Variants in LMX1A observed in about 807,000 individuals in gnomAD.
LMX1A encodes LIM homeobox transcription factor 1 alpha, also known as LIM homeobox transcription factor 1-alpha.
LMX1A carries 15 observed loss-of-function variants against 49.1 expected under a neutral mutation model. That is an observed-to-expected ratio of 0.31 (90% CI 0.20 to 0.47). The LOEUF is 0.47. Among genes scored for constraint, LMX1A ranks in the 20% least tolerant of loss-of-function variants. The pLI is 1.00. For synonymous variants in LMX1A, 167 were observed against 185.7 expected (o/e 0.90, Z 0.82); for missense variants, 372 against 475.8 (o/e 0.78, Z 2.03).
intron 3 of LMX1A, among the ~76,000 whole-genome samples, chr1:165,292,458 G>A (rs961907455): frequency 6.6e-6 from 1 of 152,202 alleles, no homozygotes; most frequent in Non-Finnish European, 1.5e-5. Flanking sequence ...GAAAAGATAT[G>A]AGAGATATAC....
intron 3 of LMX1A, among the ~76,000 whole-genome samples, chr1:165,325,589 TTC>T (rs1340156001): frequency 1.3e-5 from 2 of 152,144 alleles, no homozygotes; most frequent in Admixed American, 6.5e-5. Context: ...GAGCATCCTC[TTC>T]TCAGTTAATT....
intron 3 of LMX1A, among the ~76,000 whole-genome samples, chr1:165,302,320 T>C (rs1262242622): frequency 6.6e-6 from 1 of 151,942 alleles, no homozygotes; most frequent in East Asian, 1.9e-4. Flanking sequence ...GGTGCATGCG[T>C]GTAATCCCAG....
chr1:165,279,380 C>A (rs555655590), intron 3 of LMX1A, among the ~76,000 whole-genome samples: 214 of 152,336 alleles, frequency 1.4e-3, no homozygotes, highest in African/African-American at 5.1e-3. Context: ...TCAGCACCCT[C>A]TTTACAATAA....
At chr1:165,320,923 T>C (rs1014272979) in intron 3 of LMX1A, among the ~76,000 whole-genome samples, 1 of 152,186 alleles carries the variant, frequency 6.6e-6, no homozygotes, top group East Asian at 1.9e-4. Context: ...ATTATGTCCA[T>C]ACTAAAACTT....
chr1:165,229,079 T>A (rs1174895619), intron 4 of LMX1A, among the ~76,000 whole-genome samples: 1 of 151,986 alleles, frequency 6.6e-6, no homozygotes, highest in Non-Finnish European at 1.5e-5. Flanking sequence ...AAATATCAGC[T>A]GCCTTTAATT....
chr1:165,320,676 A>G (rs1490230967), intron 3 of LMX1A, among the ~76,000 whole-genome samples: 5 of 152,164 alleles, frequency 3.3e-5, no homozygotes, highest in Admixed American at 2.0e-4. Context: ...AAGTATTAAT[A>G]TTTGCCTGGT....
intron 6 of LMX1A, among the ~76,000 whole-genome samples, chr1:165,208,892 C>T (rs999154201): frequency 2.6e-5 from 4 of 152,146 alleles, no homozygotes; most frequent in Admixed American, 6.5e-5. Flanking sequence ...CGTGATCCAC[C>T]CGCCTCGGCC....
intron 3 of LMX1A, among the ~76,000 whole-genome samples, chr1:165,269,308 G>A (rs182756407): frequency 7.2e-5 from 11 of 152,286 alleles, no homozygotes; most frequent in South Asian, 2.1e-4. Context: ...TAGACATTGC[G>A]GATAAGAGTT....
Position 165,249,601 on chromosome 1 carries a change from G to T in LMX1A, c.303C>A (p.Ile101=). Reference sequence around the variant, plus strand: ...CCCGCATAACAAACTCATTGGGAGCGATGGCCTCGAAGCAGCCCCCACATT... The same window carrying T: ...CCCGCATAACAAACTCATTGGGAGCTATGGCCTCGAAGCAGCCCCCACATT... ...AVKCGGCFEA[I]APNEFVMRAQ... The change falls in exon 4 of 9, where the codon ATC becomes ATA. Residue 101 remains isoleucine, a synonymous_variant. Coordinates refer to ENST00000342310, the MANE Select transcript of LMX1A (RefSeq NM_177398.4). 6.2e-7 allele frequency: 1 copy of T among 1,614,144 alleles called. No homozygotes were observed. Among genetic ancestry groups the T allele is most frequent in the Non-Finnish European group, 8.5e-7 (1 of 1,180,022 alleles).
At chr1:165,278,584 T>G (rs1407482844) in intron 3 of LMX1A, among the ~76,000 whole-genome samples, 1 of 152,104 alleles carries the variant, frequency 6.6e-6, no homozygotes, top group East Asian at 1.9e-4. Context: ...CCATCCTCCC[T>G]CTTCACCTGC....
chr1:165,310,442 A>C (rs920622303), intron 3 of LMX1A, among the ~76,000 whole-genome samples: 1 of 152,198 alleles, frequency 6.6e-6, no homozygotes, highest in African/African-American at 2.4e-5. Flanking sequence ...TTACAAAGTC[A>C]AAGTTGCCTC....
Position 165,301,627 on chromosome 1 carries a change from G to A in LMX1A, c.263+51449C>T, listed in dbSNP as rs138160344. On this transcript the variant is annotated intron_variant, in intron 3 of 8. Coordinates refer to ENST00000342310, the MANE Select transcript of LMX1A (RefSeq NM_177398.4). ...AAACAAACATAAAAGGTGAGAATGC[G>A]CTGCTAAATATGCTCCTCCAGTGTC... Among the ~76,000 whole-genome samples, 29 of 152,268 alleles carry A rather than the reference G, an allele frequency of 1.9e-4. No individual in the cohort carries two copies. The South Asian group carries it at 3.5e-3, about 18-fold the overall frequency.
At chr1:165,334,617 T>C (rs1454202220) in intron 3 of LMX1A, among the ~76,000 whole-genome samples, 1 of 150,944 alleles carries the variant, frequency 6.6e-6, no homozygotes, top group Non-Finnish European at 1.5e-5. Context: ...ACATGACTAA[T>C]TATGAGGAAG....
chr1:165,350,173 C>CAAAAAAA (rs60150264), intron 3 of LMX1A, among the ~76,000 whole-genome samples: 5 of 80,206 alleles, frequency 6.2e-5, no homozygotes, highest in Non-Finnish European at 9.1e-5. Context: ...AAAGATCCAC[C>CAAAAAAA]AAAAAAAAAA....
At chr1:165,347,396 G>T (rs1365859754) in intron 3 of LMX1A, among the ~76,000 whole-genome samples, 1 of 152,198 alleles carries the variant, frequency 6.6e-6, no homozygotes, top group Non-Finnish European at 1.5e-5. Flanking sequence ...TGGAAATAGG[G>T]CTGAGTCCTC....
At chr1:165,305,603 C>T (rs1654898982) in intron 3 of LMX1A, among the ~76,000 whole-genome samples, 1 of 152,190 alleles carries the variant, frequency 6.6e-6, no homozygotes, top group African/African-American at 2.4e-5. Flanking sequence ...CTGGGCAGAG[C>T]TTAGCTAACT....
chr1:165,219,643 T>C (rs977370059), intron 4 of LMX1A, among the ~76,000 whole-genome samples: 3 of 152,198 alleles, frequency 2.0e-5, no homozygotes, highest in African/African-American at 4.8e-5. Context: ...AAAAGCAAAG[T>C]CCATGTAGCT....
intron 3 of LMX1A, among the ~76,000 whole-genome samples, chr1:165,267,422 A>G (rs1009297526): frequency 2.6e-5 from 4 of 152,174 alleles, no homozygotes; most frequent in South Asian, 4.1e-4. Context: ...TGTTTATCCA[A>G]TCATCCATTC....
At chr1:165,346,550 C>T (rs144454528) in intron 3 of LMX1A, among the ~76,000 whole-genome samples, 12 of 151,526 alleles carry the variant, frequency 7.9e-5, no homozygotes, top group East Asian at 7.7e-4. Context: ...AGAACAGCAC[C>T]GAGGTAGGCT....
Sources: gnomAD v4.1 joint callset for allele counts (sites outside exome capture counted in the v4.1 genomes callset) on GRCh38, gnomAD v4.1.1 for gene constraint, MANE v1.5 for transcripts, NCBI Gene and HGNC (gene_info 2026-07-23, HGNC 2026-07-21) for gene names.